The following FDFT1 variants were observed in gnomAD, a reference collection of about 807,000 sequenced individuals.
The protein encoded by FDFT1 is squalene synthase.
A neutral mutation model predicts 46.8 loss-of-function variants in FDFT1; 68 were observed. The ratio of observed to expected loss-of-function variants is 1.45; its 90% CI spans 1.19 to 1.78. The LOEUF (loss-of-function observed/expected upper bound fraction) is 1.78. Among genes scored for constraint, FDFT1 ranks in the 40% most tolerant of loss-of-function variants. The pLI, the probability that FDFT1 is intolerant of heterozygous loss-of-function variation, is 0.00. For missense variants in FDFT1, 928 were observed against 524.4 expected (o/e 1.77, Z -7.52); for synonymous variants, 351 against 185.1 (o/e 1.90, Z -7.28).
intron 3 of FDFT1, among the ~76,000 whole-genome samples, chr8:11,820,811 C>G (rs929460732): frequency 1.3e-5 from 2 of 152,196 alleles, no homozygotes; most frequent in Non-Finnish European, 2.9e-5. Flanking sequence ...ATCCCCTGAC[C>G]CCTTGCACTT....
At chr8:11,802,700 C>A (rs868332466), upstream of FDFT1, 3 of 683,134 alleles carry the variant, frequency 4.4e-6, no homozygotes, top group South Asian at 1.8e-5. Context: ...GCGGGCGGGG[C>A]GTCGCCGTAC....
At position 11,838,903 on chromosome 8, in the gene FDFT1, C is replaced by T. The variant is rs181353551; in HGVS notation, c.*294C>T. On this transcript the variant is annotated 3_prime_UTR_variant, in exon 8 of 8. Transcript: ENST00000220584. ...GTGAAGTCGCTGCATATGTGACTGTCATGAGATCCTACTTAGTATGATCCT... is the reference window on the plus strand; with the variant it reads ...GTGAAGTCGCTGCATATGTGACTGTTATGAGATCCTACTTAGTATGATCCT... The T allele has an allele frequency of 1.5e-4, 61 of 397,872 alleles. No homozygotes were observed. The highest frequency in any genetic ancestry group is 1.2e-3 in the African/African-American group (58 of 48,208). 24.6% of individuals were successfully genotyped at this position (397,872 alleles called of 1,614,324 possible).
At chr8:11,814,099 C>CTATT (rs1808110682) in intron 3 of FDFT1, among the ~76,000 whole-genome samples, 1 of 152,174 alleles carries the variant, frequency 6.6e-6, no homozygotes, top group African/African-American at 2.4e-5. Flanking sequence ...CCTTTCCTCT[C>CTATT]TAATAAATAG....
chr8:11,808,368 G>T (rs1294474493), intron 1 of FDFT1: 2 of 1,235,174 alleles, frequency 1.6e-6, no homozygotes, highest in African/African-American at 3.1e-5. Flanking sequence ...GGGAGGCCGG[G>T]GGCGGGGCTG....
At chr8:11,812,983 C>T (rs1807945418) in intron 3 of FDFT1, among the ~76,000 whole-genome samples, 2 of 152,210 alleles carry the variant, frequency 1.3e-5, no homozygotes, top group Admixed American at 1.3e-4. Context: ...TGTACTTACA[C>T]ATACCAAGAT....
chr8:11,814,885 A>G (rs1416413592), intron 3 of FDFT1, among the ~76,000 whole-genome samples: 1 of 151,312 alleles, frequency 6.6e-6, no homozygotes, highest in Non-Finnish European at 1.5e-5. Context: ...TTCTTTTATT[A>G]TACTTTAAGT....
chr8:11,835,971 T>TAAAAAAA (rs755611965), intron 7 of FDFT1, among the ~76,000 whole-genome samples: 1,648 of 64,274 alleles, frequency 0.026, 224 homozygotes, highest in East Asian at 0.051. Flanking sequence ...CTGTCTCTAC[T>TAAAAAAA]AAAAAAAAAA....
Position 11,838,562 on chromosome 8 carries a change from A to G in FDFT1, c.1207A>G (p.Thr403Ala). Reference sequence around the variant, plus strand: ...TGCCCTGAGCTGGCAGTACCTGACCACTCTCTCCCAGGTAACAGAAGACTA... The same window carrying G: ...TGCCCTGAGCTGGCAGTACCTGACCGCTCTCTCCCAGGTAACAGAAGACTA... ...LAALSWQYLT[T>A]LSQVTEDYVQ... The change falls in exon 8 of 8, where the codon ACT becomes GCT. Residue 403 changes from threonine (T) to alanine (A), a missense_variant. Physicochemically the swap from Thr to Ala is moderately conservative, Grantham distance 58. Transcript: ENST00000220584. 1 of 1,612,908 alleles carries G rather than the reference A, an allele frequency of 6.2e-7. No homozygotes were observed. The highest frequency in any genetic ancestry group is 8.5e-7 in the Non-Finnish European group (1 of 1,179,652).
intron 3 of FDFT1, among the ~76,000 whole-genome samples, chr8:11,810,304 G>C (rs972872277): frequency 5.9e-5 from 9 of 152,206 alleles, no homozygotes; most frequent in Non-Finnish European, 1.3e-4. Context: ...GTATGATGCA[G>C]CCTACCTGTA....
intron 7 of FDFT1, 76 bp from the exon 8 acceptor site, chr8:11,838,312 G>A: frequency 8.9e-7 from 1 of 1,123,402 alleles, no homozygotes; most frequent in Non-Finnish European, 1.3e-6. Context: ...ATACCTGCCA[G>A]TGGAGGGTTG....
chr8:11,803,939 C>T (rs1285184575), intron 1 of FDFT1: 5 of 152,256 alleles, frequency 3.3e-5, no homozygotes, highest in Admixed American at 2.6e-4. Flanking sequence ...TTTTCTTTGC[C>T]GGTGCTACAT....
At chr8:11,817,428 T>G (rs1685652728) in intron 3 of FDFT1, among the ~76,000 whole-genome samples, 1 of 152,228 alleles carries the variant, frequency 6.6e-6, no homozygotes, top group African/African-American at 2.4e-5. Flanking sequence ...TGGAATAGTT[T>G]CAGAAGGAAT....
At chr8:11,825,606 T>G (rs1809853574) in intron 4 of FDFT1, among the ~76,000 whole-genome samples, 1 of 150,946 alleles carries the variant, frequency 6.6e-6, no homozygotes. Context: ...CAATCCCAGC[T>G]GTTCGGGAAG....
chr8:11,806,258 A>G (rs1806817251), intron 1 of FDFT1, among the ~76,000 whole-genome samples: 1 of 152,118 alleles, frequency 6.6e-6, no homozygotes, highest in African/African-American at 2.4e-5. Flanking sequence ...CTCAGACTGC[A>G]ATAGATAAAC....
At chr8:11,802,088 C>G (rs1806180503), upstream of FDFT1, 3 of 455,230 alleles carry the variant, frequency 6.6e-6, no homozygotes, top group Non-Finnish European at 1.3e-5. Context: ...TTTTCTAGGA[C>G]TAAGCTGGAT....
Position 11,809,024 on chromosome 8 carries a change from G to C in FDFT1, c.197+133G>C. On this transcript the variant is annotated intron_variant, in intron 2 of 7. Coordinates refer to ENST00000220584, the MANE Select transcript of FDFT1 (RefSeq NM_004462.5). ...CTGTGGCTTATCCAGAACATAGCCC[G>C]GCCCTACGTGTTTACTTTAGAAAGC... 5.0e-6 allele frequency: 7 copies of C among 1,388,960 alleles called. 1 individual carries two copies. The highest frequency in any genetic ancestry group is 2.8e-5 in the South Asian group (2 of 71,904). The allele number at this position is 1,388,960 out of a possible 1,614,324, so 86.0% of individuals were successfully genotyped here. A position where few individuals can be genotyped will look rare whatever the true frequency, so the allele number is the denominator to read the frequency against.
intron 3 of FDFT1, among the ~76,000 whole-genome samples, chr8:11,813,685 C>T (rs572551842): frequency 6.6e-6 from 1 of 152,262 alleles, no homozygotes; most frequent in South Asian, 2.1e-4. Context: ...TGGGATTTGG[C>T]CTTTCTCCAT....
intron 1 of FDFT1, chr8:11,803,278 G>A (rs1347159531): frequency 2.3e-6 from 3 of 1,329,650 alleles, no homozygotes; most frequent in Non-Finnish European, 3.0e-6. Flanking sequence ...GGTTACGCGG[G>A]AGAGGACGAG....
intron 1 of FDFT1, among the ~76,000 whole-genome samples, chr8:11,806,900 T>C (rs1024658995): frequency 6.6e-6 from 1 of 152,216 alleles, no homozygotes; most frequent in African/African-American, 2.4e-5. Flanking sequence ...ACTAATATTA[T>C]GGTGCCCAGT....
Sources: allele counts gnomAD v4.1 joint callset (sites outside exome capture counted in the v4.1 genomes callset), GRCh38; gene constraint gnomAD v4.1.1; transcripts MANE v1.5; gene names NCBI Gene and HGNC (gene_info 2026-07-23, HGNC 2026-07-21).